C8orf34: variants seen among roughly 807,000 people sequenced by gnomAD.
C8orf34 encodes uncharacterized protein C8orf34.
In C8orf34, 65 loss-of-function variants were observed where a neutral mutation model predicts 68.3. The ratio of observed to expected loss-of-function variants is 0.95; its 90% confidence interval spans 0.78 to 1.17. C8orf34 has a LOEUF of 1.17. Among genes scored for constraint, C8orf34 ranks in the 50% most tolerant of loss-of-function variants. The pLI, the probability that C8orf34 is intolerant of heterozygous loss-of-function variation, is 0.00. For synonymous variants in C8orf34, 244 were observed against 241.2 expected (o/e 1.01, Z -0.11); for missense variants, 664 against 655.4 (o/e 1.01, Z -0.14).
intron 12 of C8orf34, among the ~76,000 whole-genome samples, chr8:68,810,020 C>T (rs530140741): frequency 6.6e-6 from 1 of 152,314 alleles, no homozygotes; most frequent in East Asian, 1.9e-4. Flanking sequence ...TGACACTAGC[C>T]TAATGTCAAT....
intron 7 of C8orf34, among the ~76,000 whole-genome samples, chr8:68,539,512 A>C (rs1438036190): frequency 2.0e-5 from 3 of 152,204 alleles, no homozygotes; most frequent in Non-Finnish European, 2.9e-5. Context: ...ATATATCACA[A>C]TATTCCCAAC....
chr8:68,817,144 A>T (rs1347145019), intron 13 of C8orf34, among the ~76,000 whole-genome samples: 3 of 152,192 alleles, frequency 2.0e-5, no homozygotes, highest in African/African-American at 7.2e-5. Context: ...CACCTATCAT[A>T]GGTTTTCTTA....
chr8:68,374,580 C>T (rs1421833161), intron 1 of C8orf34, among the ~76,000 whole-genome samples: 1 of 152,000 alleles, frequency 6.6e-6, no homozygotes, highest in Non-Finnish European at 1.5e-5. Flanking sequence ...GAGAGTGAAC[C>T]CTTGTGGATA....
chr8:68,596,895 A>G (rs1417414697), intron 7 of C8orf34, among the ~76,000 whole-genome samples: 1 of 152,200 alleles, frequency 6.6e-6, no homozygotes, highest in African/African-American at 2.4e-5. Context: ...CCTACAGAGA[A>G]CTGTTTCCTG....
intron 10 of C8orf34, among the ~76,000 whole-genome samples, chr8:68,763,577 T>G (rs1823084001): frequency 6.6e-6 from 1 of 152,216 alleles, no homozygotes; most frequent in African/African-American, 2.4e-5. Context: ...CAATTTCCTG[T>G]TGATCCTATA....
chr8:68,340,948 C>T (rs1806045170), intron 1 of C8orf34, among the ~76,000 whole-genome samples: 1 of 152,134 alleles, frequency 6.6e-6, no homozygotes, highest in African/African-American at 2.4e-5. Flanking sequence ...AACAAACAAA[C>T]TTATGCACTA....
At chr8:68,761,380 T>C (rs1031820855) in intron 10 of C8orf34, among the ~76,000 whole-genome samples, 1 of 152,160 alleles carries the variant, frequency 6.6e-6, no homozygotes, top group African/African-American at 2.4e-5. Flanking sequence ...AACTTCCTGC[T>C]CCCACTCATA....
chr8:68,714,107 C>A (rs565926856), intron 9 of C8orf34, among the ~76,000 whole-genome samples: 4 of 152,264 alleles, frequency 2.6e-5, no homozygotes, highest in African/African-American at 7.2e-5. Flanking sequence ...AACATTAAAA[C>A]CCTCAGCAAA....
chr8:68,331,008 G>C lies in C8orf34; in HGVS notation c.-5G>C. ...AGGGTGGGCGCGAGGCGGAGAACGC[G>C]ATGAATGAGTTCTCCCCTCGCCTCG... On this transcript the variant is annotated 5_prime_UTR_variant, in exon 1 of 14. Transcript: ENST00000518698. 5 of 1,415,760 alleles carry C rather than the reference G, an allele frequency of 3.5e-6. No homozygotes were observed. Among genetic ancestry groups the C allele is most frequent in the South Asian group, 1.5e-5 (1 of 65,828 alleles). 87.7% of individuals were successfully genotyped at this position (1,415,760 alleles called of 1,614,324 possible).
intron 5 of C8orf34, among the ~76,000 whole-genome samples, chr8:68,488,903 A>G (rs1437472902): frequency 6.6e-6 from 1 of 152,184 alleles, no homozygotes; most frequent in African/African-American, 2.4e-5. Flanking sequence ...TAAAGATTAT[A>G]TCTATCAATA....
At chr8:68,566,974 T>C (rs2130227444) in intron 7 of C8orf34, among the ~76,000 whole-genome samples, 1 of 152,238 alleles carries the variant, frequency 6.6e-6, no homozygotes, top group East Asian at 1.9e-4. Flanking sequence ...ATCCCTGGTA[T>C]GAAACTCACT....
At chr8:68,586,426 T>C (rs1356337229) in intron 7 of C8orf34, among the ~76,000 whole-genome samples, 2 of 152,208 alleles carry the variant, frequency 1.3e-5, no homozygotes, top group African/African-American at 4.8e-5. Context: ...CTTTAATCTG[T>C]AGCTTCTATT....
At chr8:68,553,934 A>G (rs1273685342) in intron 7 of C8orf34, among the ~76,000 whole-genome samples, 1 of 152,198 alleles carries the variant, frequency 6.6e-6, no homozygotes, top group East Asian at 1.9e-4. Context: ...GAGTTTAATA[A>G]GTTGAAATAA....
intron 4 of C8orf34, among the ~76,000 whole-genome samples, chr8:68,476,249 T>A (rs1451406444): frequency 1.3e-5 from 2 of 152,158 alleles, no homozygotes; most frequent in African/African-American, 4.8e-5. Context: ...GGTTTGGAAA[T>A]CATAGTTTCA....
intron 5 of C8orf34, among the ~76,000 whole-genome samples, chr8:68,502,761 TG>T (rs1433621804): frequency 6.6e-6 from 1 of 152,220 alleles, no homozygotes; most frequent in African/African-American, 2.4e-5. Flanking sequence ...CATTTGGCAA[TG>T]GTAGTACATT....
intron 7 of C8orf34, among the ~76,000 whole-genome samples, chr8:68,536,834 A>G (rs1032089220): frequency 6.6e-5 from 10 of 152,158 alleles, no homozygotes; most frequent in Admixed American, 1.3e-4. Context: ...AATCAAAAGT[A>G]AAATTACATT....
chr8:68,667,829 G>A (rs937267272), intron 8 of C8orf34, among the ~76,000 whole-genome samples: 14 of 152,158 alleles, frequency 9.2e-5, no homozygotes, highest in Admixed American at 8.5e-4. Context: ...CAGGGTAAAT[G>A]TTTCTGCTTA....
intron 3 of C8orf34, among the ~76,000 whole-genome samples, chr8:68,461,955 G>T (rs1431307820): frequency 1.3e-5 from 2 of 152,170 alleles, no homozygotes; most frequent in African/African-American, 4.8e-5. Flanking sequence ...ACCTTTAAAT[G>T]TAAGTGGACT....
chr8:68,338,065 C>T (rs1429557935), intron 1 of C8orf34, among the ~76,000 whole-genome samples: 1 of 152,182 alleles, frequency 6.6e-6, no homozygotes, highest in African/African-American at 2.4e-5. Context: ...GCTGCTATTA[C>T]ACAATGCCTT....
Sources: allele counts gnomAD v4.1 joint callset (sites outside exome capture counted in the v4.1 genomes callset), GRCh38; gene constraint gnomAD v4.1.1; transcripts MANE v1.5; gene names NCBI Gene and HGNC (gene_info 2026-07-23, HGNC 2026-07-21).